RBFOX1: variants seen among roughly 807,000 people sequenced by gnomAD.
RBFOX1 encodes RNA binding fox-1 homolog 1, also known as RNA binding protein fox-1 homolog 1.
In RBFOX1, 8 loss-of-function variants were observed where a neutral mutation model predicts 57.7. The observed-to-expected ratio is 0.14, with a 90% CI of 0.08 to 0.25. The LOEUF (loss-of-function observed/expected upper bound fraction) is 0.25, where lower values mean the gene tolerates loss of function less well. Among genes scored for constraint, RBFOX1 ranks in the 10% least tolerant of loss-of-function variants. RBFOX1 has a pLI of 1.00. For synonymous variants in RBFOX1, 326 were observed against 222.4 expected, an observed-to-expected ratio of 1.47 and a Z score of -4.15; for missense variants, 611 against 548.5, an observed-to-expected ratio of 1.11 and a Z score of -1.14.
intron 4 of RBFOX1, chr16:7,333,000 G>T (rs745333470): frequency 1.2e-6 from 2 of 1,613,614 alleles, no homozygotes; most frequent in South Asian, 2.2e-5. Context: ...TCTACGTAAA[G>T]CATGCTGGCG....
Position 6,814,018 on chromosome 16 carries a change from A to G in RBFOX1, c.-16+159368A>G, listed in dbSNP as rs2089446284. Among the ~76,000 whole-genome samples the G allele has an allele frequency of 3.7e-5, 5 of 136,018 alleles. No individual in the cohort carries two copies. The South Asian group carries it at 1.2e-3, about 32-fold the overall frequency. The allele number at this position is 136,018 out of a possible 152,430, so 89.2% of individuals were successfully genotyped here. A position where few individuals can be genotyped will look rare whatever the true frequency, so the allele number is the denominator to read the frequency against. On this transcript the variant is annotated intron_variant, in intron 3 of 15. Transcript: ENST00000550418. ...TCTGAGGACCGGTTCAGTGATCTGCACAAAGGGAAATTAGATTCAAACATA... is the reference window on the plus strand; with the variant it reads ...TCTGAGGACCGGTTCAGTGATCTGCGCAAAGGGAAATTAGATTCAAACATA...
intron 1 of RBFOX1, among the ~76,000 whole-genome samples, chr16:5,404,341 C>T (rs1017682489): frequency 3.9e-5 from 6 of 152,086 alleles, no homozygotes; most frequent in African/African-American, 9.7e-5. Context: ...TGAACCTTAT[C>T]GAATTAGCAG....
At chr16:7,014,675 A>G (rs148505053) in intron 3 of RBFOX1, among the ~76,000 whole-genome samples, 2 of 152,256 alleles carry the variant, frequency 1.3e-5, no homozygotes, top group African/African-American at 4.8e-5. Flanking sequence ...GGTAATGGGA[A>G]TGGAATCTTG....
At chr16:6,413,088 G>C (rs2093513900) in intron 2 of RBFOX1, among the ~76,000 whole-genome samples, 1 of 152,196 alleles carries the variant, frequency 6.6e-6, no homozygotes, top group African/African-American at 2.4e-5. Flanking sequence ...GGGAGGCCAA[G>C]GCGGGTGGAT....
At chr16:6,815,449 C>T (rs1022194843) in intron 3 of RBFOX1, among the ~76,000 whole-genome samples, 1 of 152,152 alleles carries the variant, frequency 6.6e-6, no homozygotes, top group African/African-American at 2.4e-5. Flanking sequence ...GGTTCAAACA[C>T]CTCTGACATT....
At chr16:6,888,403 T>G (rs2064632067) in intron 3 of RBFOX1, among the ~76,000 whole-genome samples, 1 of 152,202 alleles carries the variant, frequency 6.6e-6, no homozygotes, top group Non-Finnish European at 1.5e-5. Flanking sequence ...AGAAAGAGCT[T>G]ACTGATGTCA....
chr16:6,023,915 GAATC>G (rs1389114481), intron 1 of RBFOX1, among the ~76,000 whole-genome samples: 2 of 152,182 alleles, frequency 1.3e-5, no homozygotes, highest in African/African-American at 4.8e-5. Flanking sequence ...TTTAATTAAA[GAATC>G]AATCAGTGAT....
At chr16:6,677,412 T>C (rs1356385741) in intron 3 of RBFOX1, among the ~76,000 whole-genome samples, 2 of 152,190 alleles carry the variant, frequency 1.3e-5, no homozygotes, top group East Asian at 1.9e-4. Flanking sequence ...GGAGGCCTAT[T>C]TTATTAGTCT....
At chr16:6,854,620 A>C (rs533213161) in intron 3 of RBFOX1, among the ~76,000 whole-genome samples, 56 of 66,612 alleles carry the variant, frequency 8.4e-4, no homozygotes, top group African/African-American at 2.8e-3. Context: ...TTTGAGACTG[A>C]GTCTCGCTGT....
intron 4 of RBFOX1, among the ~76,000 whole-genome samples, chr16:7,252,769 G>A (rs1603449104): frequency 6.8e-6 from 1 of 147,872 alleles, no homozygotes; most frequent in East Asian, 2.0e-4. Context: ...TTCCACTTTT[G>A]ATGGCATTAG....
chr16:6,920,511 C>T (rs1443036729), intron 3 of RBFOX1, among the ~76,000 whole-genome samples: 1 of 152,136 alleles, frequency 6.6e-6, no homozygotes, highest in East Asian at 1.9e-4. Context: ...CTTGTAATTG[C>T]CAAGGGCTAC....
At chr16:6,245,266 G>C (rs1335603161) in intron 1 of RBFOX1, among the ~76,000 whole-genome samples, 1 of 151,814 alleles carries the variant, frequency 6.6e-6, no homozygotes, top group African/African-American at 2.4e-5. Context: ...TTTCTTATTT[G>C]CGCTTTCTTG....
intron 1 of RBFOX1, among the ~76,000 whole-genome samples, chr16:6,267,669 A>G (rs2074691352): frequency 6.6e-6 from 1 of 152,174 alleles, no homozygotes; most frequent in South Asian, 2.1e-4. Flanking sequence ...ACTAGGAGAG[A>G]TCTACTCCTA....
At chr16:5,548,170 A>ATATATATATATATATATATATATAT (rs1317008346) in intron 2 of RBFOX1, among the ~76,000 whole-genome samples, 2 of 40,704 alleles carry the variant, frequency 4.9e-5, no homozygotes, top group African/African-American at 7.1e-5. Flanking sequence ...AAAAAAAAAA[A>ATATATATATATATATATATATATAT]AAAAATATAT....
chr16:5,985,114 T>C (rs1398369977), intron 4 of RBFOX1, among the ~76,000 whole-genome samples: 2 of 150,662 alleles, frequency 1.3e-5, no homozygotes, highest in East Asian at 3.9e-4. Flanking sequence ...GCCTCCTGAG[T>C]AGCCAGGACT....
chr16:5,560,887 G>C (rs909678520), intron 2 of RBFOX1, among the ~76,000 whole-genome samples: 3 of 152,194 alleles, frequency 2.0e-5, no homozygotes, highest in Non-Finnish European at 4.4e-5. Flanking sequence ...CTGGTGCCTA[G>C]GTCCTGCTGT....
intron 1 of RBFOX1, among the ~76,000 whole-genome samples, chr16:5,397,617 A>G (rs927035526): frequency 6.6e-6 from 1 of 152,236 alleles, no homozygotes; most frequent in Non-Finnish European, 1.5e-5. Flanking sequence ...AATTTCTTCA[A>G]TAGATGAAAG....
At chr16:5,650,155 C>A (rs1342223417) in intron 3 of RBFOX1, among the ~76,000 whole-genome samples, 2 of 152,226 alleles carry the variant, frequency 1.3e-5, no homozygotes, top group Non-Finnish European at 2.9e-5. Context: ...CTCCAGCCCC[C>A]ACCCCCAACT....
In RBFOX1 at chr16:6,619,505, C is replaced by T. The variant is rs151319212; in HGVS notation, c.-63-35098C>T. Among the ~76,000 whole-genome samples the T allele has an allele frequency of 4.7e-3, 711 of 152,168 alleles. 1 individual carries two copies. Among genetic ancestry groups the T allele is most frequent in the Admixed American group, 6.6e-3 (101 of 15,284 alleles). ...TTCTTCTCATTAAACTTATGCCTTTCTGCTTAGTTAGGAGAGGACTGTAAA... is the reference window on the plus strand; with the variant it reads ...TTCTTCTCATTAAACTTATGCCTTTTTGCTTAGTTAGGAGAGGACTGTAAA... On this transcript the variant is annotated intron_variant, in intron 2 of 15. Transcript: ENST00000550418.
Sources: gnomAD v4.1 joint callset for allele counts (sites outside exome capture counted in the v4.1 genomes callset) on GRCh38, gnomAD v4.1.1 for gene constraint, MANE v1.5 for transcripts, NCBI Gene and HGNC (gene_info 2026-07-23, HGNC 2026-07-21) for gene names.